Variants in HIVEP1 observed in about 807,000 individuals in gnomAD.
HIVEP1 encodes HIVEP zinc finger 1.
A neutral mutation model predicts 180.0 loss-of-function variants in HIVEP1; 36 were observed. The ratio of observed to expected loss-of-function variants is 0.20; its 90% CI spans 0.15 to 0.26. HIVEP1 has a LOEUF of 0.26. Ranked by LOEUF, HIVEP1 falls within the 10% of genes least tolerant of loss-of-function variation. The pLI is 1.00. For missense variants in HIVEP1, 3,143 were observed against 3,268.7 expected (o/e 0.96, Z 0.94); for synonymous variants, 1,239 against 1,239.0 (o/e 1.00, Z 0.00).
rs779050740 is a variant in HIVEP1 at position 12,121,129 on chromosome 6, C to A, written c.1334C>A (p.Thr445Asn). ...GTGACTTGTGGATTTTCATTTAAGA[C>A]TAAAAGTAATCTGTATAAGCACAAG... ...PCVTCGFSFK[T>N]KSNLYKHKKS... Residue 445 changes from threonine (T) to asparagine (N), a missense_variant, in exon 4 of 9, where the codon ACT (threonine) becomes AAT (asparagine). By Grantham distance (65) the Thr-to-Asn change is moderately conservative. Transcript: ENST00000379388. The surrounding 1 kb of genome is among the most constrained non-coding windows in gnomAD (Gnocchi z 5.3). The A allele has an allele frequency of 6.2e-7, 1 of 1,614,184 alleles. No individual in the cohort carries two copies. Among genetic ancestry groups the A allele is most frequent in the Non-Finnish European group, 8.5e-7 (1 of 1,180,036 alleles).
chr6:12,120,392 A>G lies in HIVEP1; in HGVS notation c.597A>G (p.Leu199=). ...ATACAAACACTGCATTCGATGTCTT[A>G]CTGAAAGCAATGGAGCCAGAACTGA... is the stretch of plus-strand genomic sequence containing the variant. ...PSYTNTAFDV[L]LKAMEPELST... Residue 199 remains leucine, a synonymous_variant, in exon 4 of 9, where the codon TTA becomes TTG. Coordinates refer to ENST00000379388, the MANE Select transcript of HIVEP1 (RefSeq NM_002114.4). The G allele has an allele frequency of 6.2e-7, 1 of 1,614,192 alleles. No individual in the cohort carries two copies. The highest frequency in any genetic ancestry group is 8.5e-7 in the Non-Finnish European group (1 of 1,180,038).
At chr6:12,043,919 A>G (rs547706104) in intron 2 of HIVEP1, among the ~76,000 whole-genome samples, 64 of 152,102 alleles carry the variant, frequency 4.2e-4, no homozygotes, top group African/African-American at 1.4e-3. Context: ...AAAAGTTTCC[A>G]CAGAGTTTTG....
intron 4 of HIVEP1, 52 bp downstream of exon 4, chr6:12,125,922 A>T: frequency 1.0e-6 from 1 of 983,188 alleles, no homozygotes; most frequent in Non-Finnish European, 1.5e-6. Context: ...ATTTGTTTCC[A>T]TGTGTCTTGA....
At chr6:12,042,147 T>G (rs1769792168) in intron 2 of HIVEP1, among the ~76,000 whole-genome samples, 1 of 147,392 alleles carries the variant, frequency 6.8e-6, no homozygotes, top group Admixed American at 6.8e-5. Flanking sequence ...TGGCGCAATC[T>G]CGGCTCACTG....
At chr6:12,109,067 C>T (rs985811095) in intron 3 of HIVEP1, among the ~76,000 whole-genome samples, 7 of 152,352 alleles carry the variant, frequency 4.6e-5, no homozygotes, top group Non-Finnish European at 5.9e-5. Flanking sequence ...GCAAGCTCCG[C>T]CTCCCAGGTT....
rs1289521619 is a variant in HIVEP1, at chr6:12,164,370, G to C, written c.8066G>C (p.Arg2689Thr). The change falls in exon 9 of 9, where the codon AGG becomes ACG. Residue 2689 changes from arginine (R) to threonine (T), a missense_variant. Arg to Thr is a moderately conservative substitution (Grantham distance 71). Coordinates refer to ENST00000379388, the MANE Select transcript of HIVEP1 (RefSeq NM_002114.4). Reference protein sequence around the residue: ...QTLSPDRQVPRPTALPRRQPT... With the variant: ...QTLSPDRQVPTPTALPRRQPT... The stretch of plus-strand genomic sequence containing the variant: ...CTCTCTCCAGACAGACAGGTTCCCA[G>C]GCCCACAGCACTACCGCGGAGGCAG... The C allele has an allele frequency of 6.2e-7, 1 of 1,614,024 alleles. No individual in the cohort carries two copies. The highest frequency in any genetic ancestry group is 2.2e-5 in the East Asian group (1 of 44,884).
chr6:12,203,738 T>C, the HIVEP1 span, among the ~76,000 whole-genome samples: 1 of 152,172 alleles, frequency 6.6e-6, no homozygotes. Context: ...AGGTCACTCA[T>C]GTCTAAGAAG....
chr6:12,163,656 C>T lies in HIVEP1; in HGVS notation c.7352C>T (p.Thr2451Ile). 1 of 1,614,168 alleles carries T rather than the reference C, an allele frequency of 6.2e-7. No individual in the cohort carries two copies. The highest frequency in any genetic ancestry group is 1.3e-5 in the African/African-American group (1 of 75,024). ...AATACGGTCACAGAAGTGTCTGGCACTACAAACCCTGCTGGAGTGGCTGAA... is the reference window on the plus strand; with the variant it reads ...AATACGGTCACAGAAGTGTCTGGCATTACAAACCCTGCTGGAGTGGCTGAA... ...HRNTVTEVSG[T>I]TNPAGVAELS... The change falls in exon 9 of 9, where the codon ACT (threonine) becomes ATT (isoleucine). Residue 2451 changes from threonine to isoleucine, a missense_variant. Physicochemically the swap from Thr to Ile is moderately conservative, Grantham distance 89 (BLOSUM62 -1). Coordinates refer to ENST00000379388, the MANE Select transcript of HIVEP1 (RefSeq NM_002114.4).
At chr6:12,087,945 A>G (rs772340740) in intron 2 of HIVEP1, among the ~76,000 whole-genome samples, 8 of 152,164 alleles carry the variant, frequency 5.3e-5, no homozygotes, top group African/African-American at 7.2e-5. Flanking sequence ...ATTTTTGACT[A>G]TTGTTGAGAT....
chr6:12,093,270 T>C (rs1368878323), intron 3 of HIVEP1, among the ~76,000 whole-genome samples: 1 of 152,068 alleles, frequency 6.6e-6, no homozygotes, highest in Non-Finnish European at 1.5e-5. Context: ...CTTAATATAT[T>C]TTGAATAACT....
intron 2 of HIVEP1, among the ~76,000 whole-genome samples, chr6:12,065,529 GC>G (rs1298646620): frequency 1.3e-5 from 2 of 152,188 alleles, no homozygotes; most frequent in Non-Finnish European, 2.9e-5. Context: ...CACTGTACCA[GC>G]AACTTCCCGT....
At chr6:12,130,056 A>T (rs1312951023) in intron 5 of HIVEP1, among the ~76,000 whole-genome samples, 164 bp downstream of exon 5, 1 of 152,234 alleles carries the variant, frequency 6.6e-6, no homozygotes, top group Non-Finnish European at 1.5e-5. Flanking sequence ...CATTATGTTA[A>T]ATCATTTTAT....
At chr6:12,137,994 C>G (rs60393182) in intron 7 of HIVEP1, among the ~76,000 whole-genome samples, 1 of 152,324 alleles carries the variant, frequency 6.6e-6, no homozygotes, top group African/African-American at 2.4e-5. Context: ...TAAAAACCAG[C>G]TCAGCAAGGT....
At chr6:12,175,319 A>C in the HIVEP1 span, among the ~76,000 whole-genome samples, 1 of 152,160 alleles carries the variant, frequency 6.6e-6, no homozygotes, top group Non-Finnish European at 1.5e-5. Context: ...TTGTCAAATT[A>C]TTTATTTTCT....
intron 3 of HIVEP1, among the ~76,000 whole-genome samples, chr6:12,099,099 G>A (rs1170281980): frequency 6.6e-6 from 1 of 151,992 alleles, no homozygotes; most frequent in Non-Finnish European, 1.5e-5. Flanking sequence ...GCGGTGGGAG[G>A]TGGACTGCAG....
chr6:12,115,849 C>T (rs981894074), intron 3 of HIVEP1, among the ~76,000 whole-genome samples: 13 of 151,534 alleles, frequency 8.6e-5, no homozygotes, highest in South Asian at 8.3e-4. Context: ...CAGAGGCTCG[C>T]GGGGGGTGCT....
chr6:12,100,315 T>G (rs562067244), intron 3 of HIVEP1, among the ~76,000 whole-genome samples: 3 of 152,180 alleles, frequency 2.0e-5, no homozygotes, highest in Non-Finnish European at 2.9e-5. Flanking sequence ...GTTAACAATT[T>G]ATAGCATTTT....
In HIVEP1 at chr6:12,163,422, T is replaced by G. The variant is rs1760531337; in HGVS notation, c.7118T>G (p.Leu2373Trp). Residue 2373 changes from leucine to tryptophan, a missense_variant, in exon 9 of 9, where the codon TTG becomes TGG. Around this residue, in one of 12 missense-constraint regions of HIVEP1, gnomAD observed 595 missense variants for 602.2 expected, o/e 0.99. Transcript: ENST00000379388. ...QQITLQPTPG[L>W]PSPHTHLFSH... ...ATAACTCTACAGCCGACTCCAGGCT[T>G]GCCTTCTCCCCACACTCATTTGTTT... 6.2e-7 allele frequency: 1 copy of G among 1,614,036 alleles called. No individual in the cohort carries two copies. Among genetic ancestry groups the G allele is most frequent in the African/African-American group, 1.3e-5 (1 of 74,916 alleles).
At chr6:12,108,182 C>T (rs1441310785) in intron 3 of HIVEP1, among the ~76,000 whole-genome samples, 3 of 152,210 alleles carry the variant, frequency 2.0e-5, no homozygotes, top group African/African-American at 7.2e-5. Context: ...CATTCACAAA[C>T]CCTGAGCTAG....
Sources: gnomAD v4.1 joint callset for allele counts (sites outside exome capture counted in the v4.1 genomes callset) on GRCh38, gnomAD v4.1.1 for gene constraint, gnomAD v4.1.1 regional missense constraint, Gnocchi (gnomAD v3.1) non-coding constraint, MANE v1.5 for transcripts, NCBI Gene and HGNC (gene_info 2026-07-23, HGNC 2026-07-21) for gene names.